Variants in MDGA2 observed in about 807,000 individuals in gnomAD.
MDGA2 encodes the protein MAM domain containing glycosylphosphatidylinositol anchor 2, also known as MAM domain-containing glycosylphosphatidylinositol anchor protein 2.
A neutral mutation model predicts 117.8 loss-of-function variants in MDGA2; 40 were observed. The ratio of observed to expected loss-of-function variants is 0.34; its 90% CI spans 0.26 to 0.44. The LOEUF (loss-of-function observed/expected upper bound fraction) is 0.44. Ranked by LOEUF, MDGA2 falls within the 20% of genes least tolerant of loss-of-function variation. The probability of loss-of-function intolerance (pLI) is 1.00; values close to 1 mark genes in which losing one functional copy is unlikely to be tolerated. For missense variants in MDGA2, 1,123 were observed against 1,250.6 expected (o/e 0.90, Z 1.54); for synonymous variants, 452 against 439.0 (o/e 1.03, Z -0.37).
chr14:47,182,042 C>T (rs905989860), intron 3 of MDGA2, among the ~76,000 whole-genome samples: 5 of 152,064 alleles, frequency 3.3e-5, no homozygotes, highest in African/African-American at 1.2e-4. Flanking sequence ...ACTTAGTGTT[C>T]ATTCAAAACT....
intron 10 of MDGA2, among the ~76,000 whole-genome samples, chr14:46,891,097 A>T (rs961036800): frequency 2.6e-5 from 4 of 152,074 alleles, no homozygotes; most frequent in African/African-American, 9.7e-5. Flanking sequence ...ATTTTATGTG[A>T]CTTTACATTC....
intron 7 of MDGA2, among the ~76,000 whole-genome samples, chr14:47,045,299 C>T (rs1030081141): frequency 5.3e-5 from 8 of 152,062 alleles, no homozygotes; most frequent in Non-Finnish European, 1.0e-4. Flanking sequence ...TTATGATTTT[C>T]ATATAATTTG....
chr14:47,095,394 T>C (rs1879903340), intron 6 of MDGA2, among the ~76,000 whole-genome samples: 1 of 151,910 alleles, frequency 6.6e-6, no homozygotes, highest in Non-Finnish European at 1.5e-5. Context: ...GACCCTGTAA[T>C]AAAAACTAAT....
intron 10 of MDGA2, among the ~76,000 whole-genome samples, chr14:46,918,784 G>A (rs1884004124): frequency 8.9e-6 from 1 of 112,116 alleles, no homozygotes; most frequent in Admixed American, 8.5e-5. Context: ...TTTTGGAATC[G>A]GAGTCTTTTT....
chr14:47,218,276 G>T, intron 2 of MDGA2, 81 bp from the exon 3 acceptor site: 2 of 1,248,250 alleles, frequency 1.6e-6, no homozygotes, highest in South Asian at 1.7e-5. Flanking sequence ...CATTTGAAGA[G>T]TTTGCATTTA....
chr14:47,012,564 G>C (rs952497881), intron 8 of MDGA2, among the ~76,000 whole-genome samples: 3 of 152,118 alleles, frequency 2.0e-5, no homozygotes, highest in Non-Finnish European at 2.9e-5. Context: ...ATGTACATTT[G>C]GAGAGTGACT....
chr14:47,372,022 C>T (rs766836144), intron 1 of MDGA2, among the ~76,000 whole-genome samples: 12 of 151,540 alleles, frequency 7.9e-5, no homozygotes, highest in Non-Finnish European at 1.3e-4. Flanking sequence ...TATAAAGCAT[C>T]TGATATTTAG....
chr14:46,843,570 T>C (rs1880702111), intron 16 of MDGA2, among the ~76,000 whole-genome samples: 1 of 152,162 alleles, frequency 6.6e-6, no homozygotes, highest in South Asian at 2.1e-4. Context: ...CTAAATATGT[T>C]ACTTGAAATA....
At chr14:47,353,935 A>G (rs1407540416) in intron 1 of MDGA2, among the ~76,000 whole-genome samples, 2 of 152,218 alleles carry the variant, frequency 1.3e-5, no homozygotes, top group Non-Finnish European at 2.9e-5. Context: ...TTTCAACTGT[A>G]AATTAAAAAG....
intron 1 of MDGA2, among the ~76,000 whole-genome samples, chr14:47,368,306 AT>A (rs908288509): frequency 2.0e-5 from 3 of 152,070 alleles, no homozygotes; most frequent in African/African-American, 4.8e-5. Context: ...AATAATAAAA[AT>A]TAAAAAAAAG....
chr14:47,466,428 T>C (rs956634057), intron 1 of MDGA2, among the ~76,000 whole-genome samples: 3 of 152,018 alleles, frequency 2.0e-5, no homozygotes, highest in Non-Finnish European at 4.4e-5. Flanking sequence ...AATTGACAGA[T>C]GGAGAGAGAT....
chr14:47,587,832 A>G (rs1015083885), intron 1 of MDGA2, among the ~76,000 whole-genome samples: 2 of 151,912 alleles, frequency 1.3e-5, no homozygotes, highest in African/African-American at 4.8e-5. Flanking sequence ...GAATGTTTTC[A>G]TCATCCCAAA....
chr14:47,026,273 T>C (rs540550866), intron 8 of MDGA2, among the ~76,000 whole-genome samples: 2 of 152,318 alleles, frequency 1.3e-5, no homozygotes, highest in South Asian at 2.1e-4. Context: ...AGTTATGTCT[T>C]TCTCTCAAAT....
At chr14:46,868,762 G>C (rs1881878384) in intron 14 of MDGA2, among the ~76,000 whole-genome samples, 1 of 151,950 alleles carries the variant, frequency 6.6e-6, no homozygotes, top group South Asian at 2.1e-4. Context: ...TATATTGTCA[G>C]TTACTTTGTG....
intron 1 of MDGA2, among the ~76,000 whole-genome samples, chr14:47,670,481 T>C (rs934829214): frequency 4.6e-5 from 7 of 152,186 alleles, no homozygotes; most frequent in Admixed American, 2.6e-4. Flanking sequence ...CAATTATTGA[T>C]ATGATGTCAT....
chr14:47,092,276 T>G (rs1057441112), intron 6 of MDGA2, among the ~76,000 whole-genome samples: 1 of 152,166 alleles, frequency 6.6e-6, no homozygotes, highest in Non-Finnish European at 1.5e-5. Flanking sequence ...TAAGAAAATT[T>G]GAAAATTCCT....
chr14:47,213,369 A>G (rs1885955855), intron 3 of MDGA2, among the ~76,000 whole-genome samples: 2 of 152,184 alleles, frequency 1.3e-5, no homozygotes, highest in South Asian at 4.1e-4. Context: ...GACATTTTAA[A>G]GAGCTTCGTT....
At chr14:47,623,404 CAAGGGACT>C (rs1201181901) in intron 1 of MDGA2, among the ~76,000 whole-genome samples, 1 of 152,162 alleles carries the variant, frequency 6.6e-6, no homozygotes, top group East Asian at 1.9e-4. Context: ...GCTGAAGTTT[CAAGGGACT>C]GGTGGTCTCA....
intron 1 of MDGA2, among the ~76,000 whole-genome samples, chr14:47,550,858 A>G (rs1287714364): frequency 6.6e-6 from 1 of 152,196 alleles, no homozygotes; most frequent in Non-Finnish European, 1.5e-5. Flanking sequence ...GGTAACACAC[A>G]GGAAAACACT....
Sources: allele counts gnomAD v4.1 joint callset (sites outside exome capture counted in the v4.1 genomes callset), GRCh38; gene constraint gnomAD v4.1.1; transcripts MANE v1.5; gene names NCBI Gene and HGNC (gene_info 2026-07-23, HGNC 2026-07-21).